MIPOL1: variants seen among roughly 807,000 people sequenced by gnomAD.
MIPOL1 encodes the protein mirror-image polydactyly 1, also known as mirror-image polydactyly gene 1 protein.
Under a neutral mutation model 60.9 loss-of-function variants are expected in MIPOL1, and 57 were observed. The ratio of observed to expected loss-of-function variants is 0.94; its 90% confidence interval spans 0.76 to 1.17. The LOEUF (loss-of-function observed/expected upper bound fraction) is 1.17. Ranked by LOEUF, MIPOL1 falls within the 50% of genes most tolerant of loss-of-function variation. MIPOL1 has a pLI of 0.00. For synonymous variants in MIPOL1, 179 were observed against 168.8 expected (o/e 1.06, Z -0.47); for missense variants, 551 against 511.6 (o/e 1.08, Z -0.74).
intron 6 of MIPOL1, among the ~76,000 whole-genome samples, chr14:37,281,226 A>G (rs2084080573): frequency 6.6e-6 from 1 of 152,140 alleles, no homozygotes; most frequent in Non-Finnish European, 1.5e-5. Flanking sequence ...CTGCATGTGG[A>G]TATCTAATTT....
chr14:37,547,876 C>T lies in MIPOL1; in HGVS notation c.*905C>T, dbSNP rs1179636436. On this transcript the variant is annotated 3_prime_UTR_variant, in exon 13 of 13. Transcript: ENST00000684589. ...AGGATCTAATATATAATATTCAATA[C>T]AATTGTAATGTAGAAATATAAGAAT... 1 of 151,774 alleles carries T rather than the reference C, an allele frequency of 6.6e-6. No homozygotes were observed. Among genetic ancestry groups the T allele is most frequent in the Non-Finnish European group, 1.5e-5 (1 of 67,888 alleles). The allele number at this position is 151,774 out of a possible 1,614,324, so 9.4% of individuals were successfully genotyped here. A position where few individuals can be genotyped will look rare whatever the true frequency, so the allele number is the denominator to read the frequency against.
At chr14:37,379,120 A>G (rs2092856286) in intron 10 of MIPOL1, among the ~76,000 whole-genome samples, 3 of 152,122 alleles carry the variant, frequency 2.0e-5, no homozygotes, top group South Asian at 4.1e-4. Context: ...AGACATACAG[A>G]TAAGTGGAAC....
At chr14:37,230,596 A>G (rs1970469179) in intron 1 of MIPOL1, among the ~76,000 whole-genome samples, 1 of 152,220 alleles carries the variant, frequency 6.6e-6, no homozygotes, top group African/African-American at 2.4e-5. Context: ...AGAAATCCCA[A>G]GTATTCATAA....
At chr14:37,376,079 A>G (rs1316367275) in intron 10 of MIPOL1, among the ~76,000 whole-genome samples, 3 of 152,150 alleles carry the variant, frequency 2.0e-5, no homozygotes, top group Non-Finnish European at 4.4e-5. Flanking sequence ...TGTAAAACAC[A>G]GAGTTTCCAT....
At chr14:37,524,573 T>TG (rs1344120996) in intron 12 of MIPOL1, among the ~76,000 whole-genome samples, 1 of 139,306 alleles carries the variant, frequency 7.2e-6, no homozygotes, top group African/African-American at 2.7e-5. Flanking sequence ...TTCTTTTCTT[T>TG]TTTTTTTTTT....
At chr14:37,319,043 G>A (rs2088264583) in intron 9 of MIPOL1, among the ~76,000 whole-genome samples, 2 of 151,972 alleles carry the variant, frequency 1.3e-5, no homozygotes, top group Non-Finnish European at 1.5e-5. Flanking sequence ...GTTTCACCAT[G>A]TTGCCCAGGC....
intron 9 of MIPOL1, among the ~76,000 whole-genome samples, chr14:37,344,897 G>A (rs1353535344): frequency 6.6e-6 from 1 of 151,672 alleles, no homozygotes; most frequent in Non-Finnish European, 1.5e-5. Context: ...GGGCATGGCG[G>A]TGTGCTCCTG....
At chr14:37,437,576 T>A (rs758365256) in intron 11 of MIPOL1, among the ~76,000 whole-genome samples, 3 of 152,160 alleles carry the variant, frequency 2.0e-5, no homozygotes, top group African/African-American at 7.2e-5. Context: ...TGTAAAACTT[T>A]TGTTTTCCAT....
chr14:37,292,047 T>C (rs1367014809), intron 7 of MIPOL1, among the ~76,000 whole-genome samples: 4 of 150,094 alleles, frequency 2.7e-5, no homozygotes, highest in African/African-American at 4.9e-5. Flanking sequence ...TGCCTCACCC[T>C]GCTAAGTAGC....
At chr14:37,531,343 C>A (rs1302284243) in intron 12 of MIPOL1, among the ~76,000 whole-genome samples, 2 of 152,058 alleles carry the variant, frequency 1.3e-5, no homozygotes, top group African/African-American at 2.4e-5. Context: ...TGTATCCCAC[C>A]CATTCTACAG....
At chr14:37,398,821 A>T (rs1162359139) in intron 10 of MIPOL1, among the ~76,000 whole-genome samples, 9 of 152,220 alleles carry the variant, frequency 5.9e-5, no homozygotes, top group Non-Finnish European at 1.3e-4. Context: ...AAATTTACTT[A>T]CATGTTATGT....
At chr14:37,545,680 C>G in intron 12 of MIPOL1, 1 of 656,032 alleles carries the variant, frequency 1.5e-6, no homozygotes, top group Non-Finnish European at 2.7e-6. Flanking sequence ...TTGATAGATA[C>G]AAAATCATCC....
At chr14:37,346,637 C>A (rs4898593) in intron 9 of MIPOL1, among the ~76,000 whole-genome samples, 147,869 of 152,252 alleles carry the variant, frequency 0.97, 71,859 homozygotes, top group East Asian at 1. Flanking sequence ...GAGAGGAAAC[C>A]TGAAGAGCTA....
intron 10 of MIPOL1, among the ~76,000 whole-genome samples, chr14:37,414,070 G>A (rs2093723712): frequency 1.3e-5 from 2 of 152,060 alleles, no homozygotes; most frequent in African/African-American, 4.8e-5. Context: ...TTTCAGAAGT[G>A]TTGGAGTTTT....
At chr14:37,283,389 C>A (rs1028613020) in intron 6 of MIPOL1, among the ~76,000 whole-genome samples, 7 of 151,918 alleles carry the variant, frequency 4.6e-5, no homozygotes, top group African/African-American at 7.3e-5. Flanking sequence ...TTGAAAGAGC[C>A]ACTGCACCCA....
At chr14:37,428,706 T>C (rs1302040133) in intron 11 of MIPOL1, among the ~76,000 whole-genome samples, 1 of 117,108 alleles carries the variant, frequency 8.5e-6, no homozygotes, top group East Asian at 2.7e-4. Flanking sequence ...CTACTGCTGG[T>C]AAAAACATTC....
chr14:37,413,627 A>G (rs1352685337), intron 10 of MIPOL1, among the ~76,000 whole-genome samples: 1 of 152,136 alleles, frequency 6.6e-6, no homozygotes, highest in African/African-American at 2.4e-5. Context: ...TAACATATTC[A>G]CAGGTTCTGG....
At chr14:37,272,539 T>G (rs771213662) in intron 6 of MIPOL1, among the ~76,000 whole-genome samples, 3 of 151,682 alleles carry the variant, frequency 2.0e-5, no homozygotes, top group African/African-American at 4.8e-5. Flanking sequence ...TTAAATAAAC[T>G]TATTTTCTAT....
intron 9 of MIPOL1, among the ~76,000 whole-genome samples, chr14:37,312,163 A>C (rs542835525): frequency 1.3e-5 from 2 of 152,154 alleles, no homozygotes; most frequent in East Asian, 3.9e-4. Flanking sequence ...GCTGGAGTGC[A>C]GTGGCACTGT....
Sources: allele counts gnomAD v4.1 joint callset (sites outside exome capture counted in the v4.1 genomes callset), GRCh38; gene constraint gnomAD v4.1.1; transcripts MANE v1.5; gene names NCBI Gene and HGNC (gene_info 2026-07-23, HGNC 2026-07-21).